PTPRD: variants seen among roughly 807,000 people sequenced by gnomAD.
PTPRD encodes the protein receptor-type tyrosine-protein phosphatase delta.
A neutral mutation model predicts 214.5 loss-of-function variants in PTPRD; 34 were observed. The observed-to-expected ratio is 0.16, with a 90% CI of 0.12 to 0.21. The LOEUF (loss-of-function observed/expected upper bound fraction) is 0.21, where lower values mean the gene tolerates loss of function less well. PTPRD is among the 10% of genes least tolerant of loss of function. PTPRD has a pLI of 1.00. For synonymous variants in PTPRD, 1,128 were observed against 845.7 expected (o/e 1.33, Z -5.79); for missense variants, 2,545 against 2,398.7 (o/e 1.06, Z -1.27).
Position 9,573,498 on chromosome 9 carries a change from T to C in PTPRD, c.-237+1234A>G, listed in dbSNP as rs555190501. 3.3e-5 allele frequency among the ~76,000 whole-genome samples: 5 copies of C among 151,682 alleles called. No homozygotes were observed. In the East Asian group the frequency reaches 7.7e-4, roughly 23 times the overall value. ...ATTCACTAAAACTGCGCACTTAAGA[T>C]ATAAGTAATTTTCTCTATGTATATA... On this transcript the variant is annotated intron_variant, in intron 8 of 45. Transcript: ENST00000381196.
chr9:9,288,358 T>A (rs774567343), intron 9 of PTPRD, among the ~76,000 whole-genome samples: 1 of 151,846 alleles, frequency 6.6e-6, no homozygotes, highest in South Asian at 2.1e-4. Context: ...CCTTTTGCAG[T>A]CAAAAATGTC....
chr9:10,189,621 G>T (rs1355022991), intron 3 of PTPRD, among the ~76,000 whole-genome samples: 2 of 152,066 alleles, frequency 1.3e-5, no homozygotes, highest in East Asian at 3.9e-4. Flanking sequence ...ACAACATGCA[G>T]CAGGACAAAC....
At chr9:9,523,830 G>T (rs1443021984) in intron 8 of PTPRD, among the ~76,000 whole-genome samples, 8 of 152,062 alleles carry the variant, frequency 5.3e-5, no homozygotes, top group Non-Finnish European at 1.2e-4. Context: ...TTCTCAGAAG[G>T]AATTGGCATT....
In PTPRD at chr9:8,499,636, C is replaced by A. The variant is rs2136798606; in HGVS notation, c.2322+11G>T. On this transcript the variant is annotated intron_variant, in intron 25 of 45. Coordinates refer to ENST00000381196, the MANE Select transcript of PTPRD (RefSeq NM_002839.4). ...ATATAAAAACAGAGGTACATAATTTCAGAGGCTTACCTGTGCATCAGCCAG... is the reference window on the plus strand; with the variant it reads ...ATATAAAAACAGAGGTACATAATTTAAGAGGCTTACCTGTGCATCAGCCAG... 6.2e-7 allele frequency: 1 copy of A among 1,603,386 alleles called. No homozygotes were observed. The highest frequency in any genetic ancestry group is 1.3e-5 in the African/African-American group (1 of 74,258).
chr9:8,338,208 C>A (rs1666319263), intron 43 of PTPRD, among the ~76,000 whole-genome samples: 1 of 152,068 alleles, frequency 6.6e-6, no homozygotes, highest in Non-Finnish European at 1.5e-5. Flanking sequence ...TTTGAACTGA[C>A]CTGGTCTCCC....
At chr9:8,645,171 T>C (rs548628545) in intron 12 of PTPRD, among the ~76,000 whole-genome samples, 2 of 152,354 alleles carry the variant, frequency 1.3e-5, no homozygotes, top group East Asian at 3.9e-4. Flanking sequence ...CAGCAATTAT[T>C]TTTCACTAGC....
At position 9,548,883 on chromosome 9, in the gene PTPRD, G is replaced by A. The variant is rs201645370; in HGVS notation, c.-237+25849C>T. On this transcript the variant is annotated intron_variant, in intron 8 of 45. Transcript: ENST00000381196. ...TAAATGAAGCAAAGATTGACAATAC[G>A]AAAGGAAGAAATAGAACATTTTTAC... 9.2e-5 allele frequency among the ~76,000 whole-genome samples: 14 copies of A among 152,082 alleles called. 1 individual carries two copies. The East Asian group carries it at 1.5e-3, about 17-fold the overall frequency.
At chr9:8,517,457 T>C (rs192153597) in intron 21 of PTPRD, among the ~76,000 whole-genome samples, 1 of 152,332 alleles carries the variant, frequency 6.6e-6, no homozygotes, top group East Asian at 1.9e-4. Flanking sequence ...GTTTTATTTT[T>C]TAGCTTTGTC....
chr9:10,125,246 T>C (rs1264620888), intron 3 of PTPRD, among the ~76,000 whole-genome samples: 1 of 152,000 alleles, frequency 6.6e-6, no homozygotes, highest in Admixed American at 6.6e-5. Flanking sequence ...TCATAGTCCC[T>C]AGCTGTTTTC....
At chr9:9,607,651 C>A (rs561280272) in intron 7 of PTPRD, among the ~76,000 whole-genome samples, 1 of 151,890 alleles carries the variant, frequency 6.6e-6, no homozygotes, top group Admixed American at 6.6e-5. Flanking sequence ...GAGCATCCTG[C>A]AAACCCTTAT....
chr9:10,589,965 C>A (rs1367710742), intron 2 of PTPRD, among the ~76,000 whole-genome samples: 1 of 151,878 alleles, frequency 6.6e-6, no homozygotes, highest in African/African-American at 2.4e-5. Context: ...CCATTTGTAG[C>A]CACCTATAGG....
At chr9:8,791,766 G>A (rs1040905246) in intron 11 of PTPRD, among the ~76,000 whole-genome samples, 3 of 151,970 alleles carry the variant, frequency 2.0e-5, no homozygotes, top group Non-Finnish European at 4.4e-5. Flanking sequence ...GGTGACTGGT[G>A]AAGAGAAGTC....
chr9:9,279,862 T>G (rs951462615), intron 9 of PTPRD, among the ~76,000 whole-genome samples: 1 of 151,188 alleles, frequency 6.6e-6, no homozygotes, highest in African/African-American at 2.4e-5. Context: ...ACATTCAGTA[T>G]AAGAGATAAA....
At chr9:10,173,475 C>G (rs2099224911) in intron 3 of PTPRD, among the ~76,000 whole-genome samples, 1 of 152,080 alleles carries the variant, frequency 6.6e-6, no homozygotes, top group African/African-American at 2.4e-5. Context: ...ATGATCTCAT[C>G]AAAACTGAAG....
At chr9:8,547,990 G>A (rs2080764733) in intron 14 of PTPRD, among the ~76,000 whole-genome samples, 1 of 152,158 alleles carries the variant, frequency 6.6e-6, no homozygotes, top group African/African-American at 2.4e-5. Flanking sequence ...TACCATGTAA[G>A]GTGAAAACGT....
In PTPRD at chr9:8,757,621, C is replaced by CATAT. The variant is rs140684940; in HGVS notation, c.-103-23679_-103-23676dup. Among the ~76,000 whole-genome samples, 172 of 143,372 alleles carry CATAT rather than the reference C, an allele frequency of 1.2e-3. 1 individual carries two copies. Among genetic ancestry groups the CATAT allele is most frequent in the South Asian group, 5.5e-3 (25 of 4,564 alleles). 94.1% of individuals were successfully genotyped at this position (143,372 alleles called of 152,430 possible). A position where few individuals can be genotyped will look rare whatever the true frequency, so the allele number is the denominator to read the frequency against. On this transcript the variant is annotated intron_variant, in intron 11 of 45. Coordinates refer to ENST00000381196, the MANE Select transcript of PTPRD (RefSeq NM_002839.4). Reference sequence around the variant, plus strand: ...GAATTCTGCATATATATAAATTCTGCATATATATATATATATATATACATA... The same window carrying CATAT: ...GAATTCTGCATATATATAAATTCTGCATATATATATATATATATATATATACATA...
chr9:8,636,965 T>C (rs1445375872), intron 12 of PTPRD, 121 bp from the exon 13 acceptor site: 1 of 959,508 alleles, frequency 1.0e-6, no homozygotes, highest in Non-Finnish European at 1.5e-6. Context: ...ATTTTTACAA[T>C]GCACTATGGG....
chr9:8,644,195 G>C (rs1011481215), intron 12 of PTPRD, among the ~76,000 whole-genome samples: 2 of 151,704 alleles, frequency 1.3e-5, no homozygotes, highest in Non-Finnish European at 1.5e-5. Flanking sequence ...CTGAGGACTT[G>C]CTTAACAGAG....
chr9:9,432,637 A>G (rs1217048085), intron 8 of PTPRD, among the ~76,000 whole-genome samples: 1 of 152,206 alleles, frequency 6.6e-6, no homozygotes. Flanking sequence ...CCTCTGCCTA[A>G]GGGGAAAATG....
Sources: gnomAD v4.1 joint callset for allele counts (sites outside exome capture counted in the v4.1 genomes callset) on GRCh38, gnomAD v4.1.1 for gene constraint, MANE v1.5 for transcripts, NCBI Gene and HGNC (gene_info 2026-07-23, HGNC 2026-07-21) for gene names.